ZC3H12B: variants seen among roughly 807,000 people sequenced by gnomAD.
ZC3H12B encodes the protein probable ribonuclease ZC3H12B.
Under a neutral mutation model 43.9 loss-of-function variants are expected in ZC3H12B, and 7 were observed. That is an observed-to-expected ratio of 0.16 (90% CI 0.09 to 0.30). The LOEUF is 0.30. ZC3H12B is among the 10% of genes least tolerant of loss of function. The pLI is 1.00. For synonymous variants in ZC3H12B, 222 were observed against 241.7 expected (o/e 0.92, Z 0.76); for missense variants, 475 against 670.2 (o/e 0.71, Z 3.22).
At chrX:65,347,272 AC>A in the ZC3H12B span, among the ~76,000 whole-genome samples, 1 of 111,470 alleles carries the variant, frequency 9.0e-6, no homozygotes, top group African/African-American at 3.3e-5. Context: ...CCACTCAGAG[AC>A]CCCATCCGAA....
At chrX:65,286,179 TG>T in the ZC3H12B span, among the ~76,000 whole-genome samples, 6 of 111,798 alleles carry the variant, frequency 5.4e-5, no homozygotes, top group African/African-American at 2.0e-4. Context: ...CCATCAACAA[TG>T]AACTGGATAA....
At chrX:65,170,580 T>A in the ZC3H12B span, among the ~76,000 whole-genome samples, 1 of 111,969 alleles carries the variant, frequency 8.9e-6, no homozygotes, top group Non-Finnish European at 1.9e-5. Context: ...AATGTTGGCC[T>A]GCCTTTCTAG....
the ZC3H12B span, among the ~76,000 whole-genome samples, chrX:65,289,983 G>T: frequency 7.9e-4 from 87 of 110,452 alleles, no homozygotes; most frequent in East Asian, 0.023. Flanking sequence ...GAGAAATGGG[G>T]CTTAAACTAA....
chrX:65,495,094 A>C (rs1205933489), intron 1 of ZC3H12B, among the ~76,000 whole-genome samples: 1 of 111,962 alleles, frequency 8.9e-6, no homozygotes, highest in Non-Finnish European at 1.9e-5. Flanking sequence ...GGTCTTGCAT[A>C]ATTTCCCCAT....
the ZC3H12B span, among the ~76,000 whole-genome samples, chrX:65,357,971 A>G: frequency 2.7e-5 from 3 of 109,863 alleles, no homozygotes; most frequent in African/African-American, 6.7e-5. Context: ...AGACACACAT[A>G]GGCTCAAAAT....
At chrX:65,379,130 T>C (rs748053298) in intron 2 of ZC3H12B, among the ~76,000 whole-genome samples, 1 of 112,175 alleles carries the variant, frequency 8.9e-6, no homozygotes, top group Admixed American at 9.4e-5. Context: ...CCTGCCTGCC[T>C]CTGTAGGCTC....
chrX:65,202,104 A>ATATGTAATATATATATTTTC, the ZC3H12B span, among the ~76,000 whole-genome samples: 1,724 of 68,555 alleles, frequency 0.025, 343 homozygotes, highest in African/African-American at 0.39. Context: ...TATATATTTT[A>ATATGTAATATATATATTTTC]TATAATATAT....
At chrX:65,456,162 A>G (rs1163251515) in intron 3 of ZC3H12B, among the ~76,000 whole-genome samples, 1 of 111,545 alleles carries the variant, frequency 9.0e-6, no homozygotes, top group African/African-American at 3.3e-5. Context: ...TAAATGCTCC[A>G]ATTAAAAGAC....
At chrX:65,082,980 A>G in the ZC3H12B span, among the ~76,000 whole-genome samples, 1 of 110,989 alleles carries the variant, frequency 9.0e-6, no homozygotes, top group Admixed American at 9.5e-5. Flanking sequence ...GATGTACATC[A>G]TATCAACAGA....
At chrX:65,362,465 C>T (rs960734073), upstream of ZC3H12B, among the ~76,000 whole-genome samples, 1 of 110,683 alleles carries the variant, frequency 9.0e-6, no homozygotes, top group African/African-American at 3.3e-5. Flanking sequence ...CTTATTAGGT[C>T]GAGACATTTT....
the ZC3H12B span, among the ~76,000 whole-genome samples, chrX:65,201,522 G>A: frequency 9.1e-6 from 1 of 110,193 alleles, no homozygotes; most frequent in African/African-American, 3.3e-5. Flanking sequence ...TTATTTGAAG[G>A]GATTTTTTGT....
At chrX:65,075,435 G>A in the ZC3H12B span, among the ~76,000 whole-genome samples, 1 of 112,308 alleles carries the variant, frequency 8.9e-6, no homozygotes, top group African/African-American at 3.2e-5. Flanking sequence ...CATATCCTGT[G>A]GAATAGCAGC....
chrX:65,477,401 G>T (rs1171792481), intron 3 of ZC3H12B, among the ~76,000 whole-genome samples: 2 of 110,615 alleles, frequency 1.8e-5, no homozygotes, highest in Non-Finnish European at 3.8e-5. Context: ...ACACACAACA[G>T]GAGTTGTGTG....
chrX:65,185,223 TA>T, the ZC3H12B span: 1 of 111,990 alleles, frequency 8.9e-6, no homozygotes, highest in Non-Finnish European at 1.9e-5. Context: ...TTCACTTGTA[TA>T]AATAGTGACT....
At chrX:65,106,829 A>G in the ZC3H12B span, among the ~76,000 whole-genome samples, 2 of 111,737 alleles carry the variant, frequency 1.8e-5, no homozygotes, top group African/African-American at 6.5e-5. Flanking sequence ...AGCAATTTAC[A>G]TGTATTAATT....
At chrX:65,454,451 G>A (rs1044338413) in intron 3 of ZC3H12B, among the ~76,000 whole-genome samples, 18 of 112,171 alleles carry the variant, frequency 1.6e-4, no homozygotes, top group East Asian at 2.8e-4. Context: ...CACCATTGCC[G>A]AGGCTTGAGT....
At chrX:65,323,153 A>T in the ZC3H12B span, among the ~76,000 whole-genome samples, 1 of 112,269 alleles carries the variant, frequency 8.9e-6, no homozygotes, top group Admixed American at 9.4e-5. Flanking sequence ...TCTGTTGCTG[A>T]TAACTCTGGC....
At chrX:65,228,764 A>G in the ZC3H12B span, among the ~76,000 whole-genome samples, 18 of 111,691 alleles carry the variant, frequency 1.6e-4, no homozygotes, top group African/African-American at 4.6e-4. Flanking sequence ...GAAAAATCAT[A>G]AGTGAACTCC....
chrX:65,462,738 C>T (rs1297113430), intron 3 of ZC3H12B, among the ~76,000 whole-genome samples: 1 of 111,093 alleles, frequency 9.0e-6, no homozygotes, highest in African/African-American at 3.3e-5. Flanking sequence ...AATGGAACTA[C>T]CATTTGACCC....
Sources: allele counts gnomAD v4.1 joint callset (sites outside exome capture counted in the v4.1 genomes callset), GRCh38; gene constraint gnomAD v4.1.1; transcripts MANE v1.5; gene names NCBI Gene and HGNC (gene_info 2026-07-23, HGNC 2026-07-21).